DMTN: variants seen among roughly 807,000 people sequenced by gnomAD.
DMTN encodes dematin actin binding protein, also known as dematin.
DMTN carries 27 observed loss-of-function variants against 59.4 expected under a neutral mutation model. The observed-to-expected ratio is 0.45, with a 90% CI of 0.33 to 0.63. DMTN has a LOEUF of 0.63. Ranked by LOEUF, DMTN falls within the 20% of genes least tolerant of loss-of-function variation. The pLI is 0.02. For synonymous variants in DMTN, 221 were observed against 203.7 expected (o/e 1.08, Z -0.72); for missense variants, 451 against 528.9 (o/e 0.85, Z 1.45).
chr8:22,078,617 A>G (rs940877044), intron 10 of DMTN, among the ~76,000 whole-genome samples: 3 of 151,686 alleles, frequency 2.0e-5, no homozygotes, highest in African/African-American at 7.3e-5. Flanking sequence ...CCAGGAAAAC[A>G]TATTACTGGA....
intron 4 of DMTN, 93 bp from the exon 5 acceptor site, chr8:22,068,923 C>G: frequency 6.9e-7 from 1 of 1,442,454 alleles, no homozygotes; most frequent in African/African-American, 1.4e-5. Flanking sequence ...AAGTGTGCGG[C>G]TTTGGGTGGG....
upstream of DMTN, among the ~76,000 whole-genome samples, chr8:22,050,468 T>G (rs1801228830): frequency 6.6e-6 from 1 of 152,008 alleles, no homozygotes; most frequent in South Asian, 2.1e-4. Flanking sequence ...AGAGACGGCT[T>G]CAAAGGTGGA....
intron 3 of DMTN, 138 bp from the exon 4 acceptor site, chr8:22,067,389 A>T (rs748124139): frequency 1.3e-4 from 174 of 1,330,076 alleles, no homozygotes; most frequent in Non-Finnish European, 1.7e-4. Flanking sequence ...AAGGTGACTA[A>T]TTTCTTAAAA....
rs184086453 is a variant in DMTN, at chr8:22,076,957, G to A, written c.835+3122G>A. ...GAGGGTGAGACTTGGTGAGAATGGC[G>A]AGGGTTTGGAACTGCCGTGGAGGGG... On this transcript the variant is annotated intron_variant, in intron 10 of 15. Coordinates refer to ENST00000358242, the MANE Select transcript of DMTN (RefSeq NM_001387751.1). Among the ~76,000 whole-genome samples the A allele has an allele frequency of 1.4e-3, 218 of 152,194 alleles. 1 individual carries two copies. The highest frequency in any genetic ancestry group is 4.9e-3 in the African/African-American group (203 of 41,508).
In DMTN at chr8:22,060,672, G is replaced by T. The variant is rs1343155094; in HGVS notation, c.-172+3536G>T. 6.6e-6 allele frequency among the ~76,000 whole-genome samples: 1 copy of T among 152,236 alleles called. No individual in the cohort carries two copies. The highest frequency in any genetic ancestry group is 1.5e-5 in the Non-Finnish European group (1 of 68,038). ...GCAGGGGGTGGCACCAGGGTGCAGGGCCCTGGCTGACCCCAGGAAGCAGAC... is the reference window on the plus strand; with the variant it reads ...GCAGGGGGTGGCACCAGGGTGCAGGTCCCTGGCTGACCCCAGGAAGCAGAC... On this transcript the variant is annotated intron_variant, in intron 1 of 15. Transcript: ENST00000358242. This position sits in a 1 kb window ranked among gnomAD's most constrained non-coding sequence, Gnocchi z 5.0.
At chr8:22,063,724 G>A (rs141584393) in intron 1 of DMTN, among the ~76,000 whole-genome samples, 30 of 152,236 alleles carry the variant, frequency 2.0e-4, no homozygotes, top group Non-Finnish European at 3.7e-4. Context: ...TTTCAAGGCC[G>A]ACCTCAGATA....
intron 10 of DMTN, among the ~76,000 whole-genome samples, chr8:22,076,056 G>A (rs1488093947): frequency 6.6e-6 from 1 of 152,184 alleles, no homozygotes; most frequent in Non-Finnish European, 1.5e-5. Context: ...GCAAGAGAGA[G>A]AAGCTGAGGT....
intron 14 of DMTN, 98 bp downstream of exon 14, chr8:22,080,968 T>C: frequency 6.7e-7 from 1 of 1,490,296 alleles, no homozygotes; most frequent in Non-Finnish European, 9.1e-7. Flanking sequence ...GTGTTGAAGA[T>C]GGGAGGGATG....
upstream of DMTN, among the ~76,000 whole-genome samples, chr8:22,056,565 GGT>G (rs1445585217): frequency 6.6e-6 from 1 of 152,108 alleles, no homozygotes; most frequent in Non-Finnish European, 1.5e-5. Context: ...GGTGCGTGTG[GGT>G]GTGTGTGTGC....
chr8:22,067,278 C>A (rs186440756), intron 3 of DMTN, 119 bp downstream of exon 3: 4 of 1,235,748 alleles, frequency 3.2e-6, no homozygotes, highest in South Asian at 2.8e-5. Context: ...CCGGTGCTGG[C>A]GGGCAGAGAG....
intron 10 of DMTN, among the ~76,000 whole-genome samples, chr8:22,074,340 C>T (rs1764734484): frequency 6.6e-6 from 1 of 152,224 alleles, no homozygotes; most frequent in African/African-American, 2.4e-5. Context: ...GTGGTGCACT[C>T]TCAGCTCACT....
chr8:22,056,636 C>G (rs575381729), upstream of DMTN, among the ~76,000 whole-genome samples: 175 of 152,294 alleles, frequency 1.1e-3, no homozygotes, highest in Non-Finnish European at 2.1e-3. Context: ...GCTGATTCTG[C>G]TTTGTCATGA....
chr8:22,069,326 TG>T, intron 5 of DMTN, 92 bp from the exon 6 acceptor site: 1 of 1,144,506 alleles, frequency 8.7e-7, no homozygotes. Context: ...CCGGCCAGGA[TG>T]GGAGGACAGA....
At chr8:22,073,901 T>C in intron 10 of DMTN, 66 bp downstream of exon 10, 1 of 1,384,946 alleles carries the variant, frequency 7.2e-7, no homozygotes, top group Non-Finnish European at 1.0e-6. Context: ...TGTGCATCTG[T>C]TGACTTGTGA....
upstream of DMTN, among the ~76,000 whole-genome samples, chr8:22,056,093 C>T (rs1373460623): frequency 2.0e-5 from 3 of 152,240 alleles, no homozygotes; most frequent in East Asian, 5.8e-4. Context: ...TGAGGCTTTG[C>T]TAGAGACAGG....
Position 22,081,664 on chromosome 8 carries a change from T to C in DMTN, c.*201T>C. On this transcript the variant is annotated 3_prime_UTR_variant, in exon 16 of 16. Coordinates refer to ENST00000358242, the MANE Select transcript of DMTN (RefSeq NM_001387751.1). ...TCACAAGGCTGGGGGCCTCCTGCTC[T>C]CGTCCCTGGCCCTCCCTGCACAGGG... 1.6e-6 allele frequency: 1 copy of C among 606,116 alleles called. No individual in the cohort carries two copies. The highest frequency in any genetic ancestry group is 2.8e-5 in the East Asian group (1 of 35,450). The allele number at this position is 606,116 out of a possible 1,614,324, so 37.5% of individuals were successfully genotyped here.
chr8:22,080,936 A>T, intron 14 of DMTN, 66 bp downstream of exon 14: 1 of 1,517,148 alleles, frequency 6.6e-7, no homozygotes, highest in Non-Finnish European at 8.9e-7. Flanking sequence ...AGGCAAGTGG[A>T]ATGTGCTGCG....
chr8:22,067,241 C>T (rs1811484032), intron 3 of DMTN, 82 bp downstream of exon 3: 2 of 1,449,550 alleles, frequency 1.4e-6, no homozygotes, highest in Non-Finnish European at 1.9e-6. Context: ...CGTGCCTTCC[C>T]GCAGAGCCTC....
At chr8:22,051,078 C>CT (rs1378413220), upstream of DMTN, among the ~76,000 whole-genome samples, 1 of 152,194 alleles carries the variant, frequency 6.6e-6, no homozygotes, top group Non-Finnish European at 1.5e-5. Flanking sequence ...CTGCTTGCCT[C>CT]TGAGCGCCTG....
Sources: gnomAD v4.1 joint callset for allele counts (sites outside exome capture counted in the v4.1 genomes callset) on GRCh38, gnomAD v4.1.1 for gene constraint, Gnocchi (gnomAD v3.1) non-coding constraint, MANE v1.5 for transcripts, NCBI Gene and HGNC (gene_info 2026-07-23, HGNC 2026-07-21) for gene names.